ZNF608: variants seen among roughly 807,000 people sequenced by gnomAD.
ZNF608 encodes the protein renal carcinoma antigen NY-REN-36.
ZNF608 carries 12 observed loss-of-function variants against 109.0 expected under a neutral mutation model. That is an observed-to-expected ratio of 0.11 (90% CI 0.07 to 0.18). The LOEUF (loss-of-function observed/expected upper bound fraction) is 0.18, where lower values mean the gene tolerates loss of function less well. Among genes scored for constraint, ZNF608 ranks in the 10% least tolerant of loss-of-function variants. The pLI is 1.00. For synonymous variants in ZNF608, 732 were observed against 717.4 expected (o/e 1.02, Z -0.33); for missense variants, 1,707 against 1,879.3 (o/e 0.91, Z 1.70).
At chr5:124,741,038 T>G (rs968581577) in intron 2 of ZNF608, among the ~76,000 whole-genome samples, 2 of 152,202 alleles carry the variant, frequency 1.3e-5, no homozygotes, top group Middle Eastern at 3.2e-3. Context: ...AGGCAGGTTT[T>G]AACAACCAAA....
chr5:124,721,217 A>C (rs924905795), intron 2 of ZNF608, among the ~76,000 whole-genome samples: 1 of 152,214 alleles, frequency 6.6e-6, no homozygotes, highest in Non-Finnish European at 1.5e-5. Flanking sequence ...TAAATGCAAG[A>C]TAGATAATTC....
chr5:124,661,071 A>G (rs1027061996), intron 3 of ZNF608, among the ~76,000 whole-genome samples: 1 of 152,168 alleles, frequency 6.6e-6, no homozygotes, highest in East Asian at 1.9e-4. Flanking sequence ...CCCACCACCA[A>G]TTTCAAATGA....
In ZNF608 at chr5:124,647,066, C is replaced by T. The variant is rs1750545669; in HGVS notation, c.3318G>A (p.Glu1106=). 2 of 1,613,964 alleles carry T rather than the reference C, an allele frequency of 1.2e-6. No individual in the cohort carries two copies. The highest frequency in any genetic ancestry group is 1.7e-6 in the Non-Finnish European group (2 of 1,179,978). Reference sequence around the variant, plus strand: ...CCAGCCTCTGGTCCTCATAGTACTTCTCATACTGCTGTCTATAGGCAGGGC... The same window carrying T: ...CCAGCCTCTGGTCCTCATAGTACTTTTCATACTGCTGTCTATAGGCAGGGC... The part of the protein sequence containing the change: ...ATSPAYRQQY[E]KYYEDQRLAE... Residue 1106 remains glutamate, a synonymous_variant, in exon 5 of 10, where the codon GAG becomes GAA. Coordinates refer to ENST00000513986, the MANE Select transcript of ZNF608 (RefSeq NM_020747.3).
In ZNF608 at chr5:124,647,451, C is replaced by A. The variant is rs776974980; in HGVS notation, c.2933G>T (p.Gly978Val). Residue 978 changes from glycine (G) to valine (V), a missense_variant, in exon 5 of 10, where the codon GGG becomes GTG. Gly to Val is a moderately radical substitution (Grantham distance 109). Around this residue, in one of 7 missense-constraint regions of ZNF608, gnomAD observed 1,073 missense variants for 1,133.5 expected, o/e 0.95. Transcript: ENST00000513986. Reference sequence around the variant, plus strand: ...TGATTGTGCTGTAGTTGAAGAATGCCCTTTTACAACACTGTCCTTACTAGA... The same window carrying A: ...TGATTGTGCTGTAGTTGAAGAATGCACTTTTACAACACTGTCCTTACTAGA... ...IISSKDSVVK[G>V]HSSTTAQSSQ... is the part of the protein sequence containing the mutation. 1.2e-6 allele frequency: 2 copies of A among 1,614,074 alleles called. No individual in the cohort carries two copies. Among genetic ancestry groups the A allele is most frequent in the Admixed American group, 1.7e-5 (1 of 60,004 alleles).
chr5:124,720,314 G>C (rs940779939), intron 2 of ZNF608, among the ~76,000 whole-genome samples: 1 of 152,120 alleles, frequency 6.6e-6, no homozygotes, highest in Admixed American at 6.5e-5. Context: ...CTTGTTAATA[G>C]GTGTCATCAT....
chr5:124,673,021 C>A (rs1174791625), intron 3 of ZNF608, among the ~76,000 whole-genome samples: 1 of 152,152 alleles, frequency 6.6e-6, no homozygotes, highest in African/African-American at 2.4e-5. Context: ...TATTCTCAAA[C>A]TGCAGAAAAA....
At chr5:124,640,342 G>A (rs557064413) in intron 8 of ZNF608, among the ~76,000 whole-genome samples, 4 of 152,262 alleles carry the variant, frequency 2.6e-5, no homozygotes, top group African/African-American at 9.6e-5. Context: ...TCATATGGGT[G>A]GGACCCTAAT....
At chr5:124,735,732 C>G (rs1380049102) in intron 2 of ZNF608, among the ~76,000 whole-genome samples, 1 of 152,186 alleles carries the variant, frequency 6.6e-6, no homozygotes, top group African/African-American at 2.4e-5. Context: ...AAGATTTGGG[C>G]AGGGAATGTA....
chr5:124,730,646 G>C (rs1748852820), intron 2 of ZNF608, among the ~76,000 whole-genome samples: 1 of 152,172 alleles, frequency 6.6e-6, no homozygotes, highest in Admixed American at 6.5e-5. Flanking sequence ...CAGGTTTATA[G>C]AAATCATTTT....
chr5:124,668,359 T>C (rs1751574236), intron 3 of ZNF608, among the ~76,000 whole-genome samples: 1 of 150,348 alleles, frequency 6.7e-6, no homozygotes, highest in Non-Finnish European at 1.5e-5. Flanking sequence ...GGTATGATAA[T>C]GAGACCCTGT....
Position 124,744,967 on chromosome 5 carries a change from G to T in ZNF608, c.23C>A (p.Ala8Glu), listed in dbSNP as rs371121468. 4 of 1,611,514 alleles carry T rather than the reference G, an allele frequency of 2.5e-6. No homozygotes were observed. In the African/African-American group the frequency reaches 5.3e-5, roughly 22 times the overall value. The change falls in exon 2 of 10, where the codon GCA becomes GAA. Residue 8 changes from alanine to glutamate, a missense_variant. By Grantham distance (107) the Ala-to-Glu change is moderately radical (BLOSUM62 -1). Coordinates refer to ENST00000513986, the MANE Select transcript of ZNF608 (RefSeq NM_020747.3). This position sits in a 1 kb window ranked among gnomAD's most constrained non-coding sequence, Gnocchi z 4.5. Reference protein sequence around the residue: MSVNISTAGKGVDPNTVD... With the variant: MSVNISTEGKGVDPNTVD... ...TGTATTTGGATCCACACCTTTTCCT[G>T]CAGTAGAAATGTTCACTGACATCCT...
Position 124,644,227 on chromosome 5 carries a change from G to A in ZNF608, c.4123+17C>T, listed in dbSNP as rs759898428. ...TCGCCTCTTTCCTCCAATATAGTCA[G>A]AACCGACAACACGTACCAGGATAAC... is the stretch of plus-strand genomic sequence containing the variant. On this transcript the variant is annotated intron_variant, in intron 6 of 9. Coordinates refer to ENST00000513986, the MANE Select transcript of ZNF608 (RefSeq NM_020747.3). 6.3e-7 allele frequency: 1 copy of A among 1,585,424 alleles called. No homozygotes were observed. Among genetic ancestry groups the A allele is most frequent in the Non-Finnish European group, 8.6e-7 (1 of 1,160,328 alleles).
chr5:124,639,338 C>CAGTTCATGTG, intron 8 of ZNF608, 124 bp from the exon 9 acceptor site: 1 of 739,860 alleles, frequency 1.4e-6, no homozygotes. Flanking sequence ...CACACATGAA[C>CAGTTCATGTG]TGTTTCATGC....
At chr5:124,660,572 G>A (rs929767832) in intron 3 of ZNF608, among the ~76,000 whole-genome samples, 4 of 152,164 alleles carry the variant, frequency 2.6e-5, no homozygotes, top group African/African-American at 9.7e-5. Flanking sequence ...AGCACCCTAA[G>A]CACCTGAAAG....
chr5:124,676,893 G>C (rs145072591), intron 3 of ZNF608, among the ~76,000 whole-genome samples: 41 of 152,222 alleles, frequency 2.7e-4, no homozygotes, highest in African/African-American at 9.1e-4. Flanking sequence ...TAAAACATGG[G>C]AATAAAAACC....
chr5:124,713,770 G>A (rs1013595783), intron 2 of ZNF608, among the ~76,000 whole-genome samples: 5 of 152,194 alleles, frequency 3.3e-5, no homozygotes, highest in African/African-American at 1.2e-4. Flanking sequence ...ATATCTGTTG[G>A]TGGAGAGGGG....
At chr5:124,660,025 A>AATC (rs1751182392) in intron 3 of ZNF608, among the ~76,000 whole-genome samples, 1 of 152,164 alleles carries the variant, frequency 6.6e-6, no homozygotes. Context: ...TGTCCTCTGT[A>AATC]AATCATAAAA....
At chr5:124,685,575 ACT>A (rs1395393445) in intron 3 of ZNF608, among the ~76,000 whole-genome samples, 2 of 150,606 alleles carry the variant, frequency 1.3e-5, no homozygotes, top group Non-Finnish European at 3.0e-5. Flanking sequence ...GTAAAGCCTG[ACT>A]CTCCTGATCA....
chr5:124,747,311 C>A (rs985593375), upstream of ZNF608, among the ~76,000 whole-genome samples: 3 of 151,668 alleles, frequency 2.0e-5, no homozygotes, highest in Non-Finnish European at 2.9e-5. Context: ...GGCCCCGGAG[C>A]TTGGCTTAGT....
Sources: gnomAD v4.1 joint callset for allele counts (sites outside exome capture counted in the v4.1 genomes callset) on GRCh38, gnomAD v4.1.1 for gene constraint, gnomAD v4.1.1 regional missense constraint, Gnocchi (gnomAD v3.1) non-coding constraint, MANE v1.5 for transcripts, NCBI Gene and HGNC (gene_info 2026-07-23, HGNC 2026-07-21) for gene names.